CAMTA1: variants seen among roughly 807,000 people sequenced by gnomAD.
CAMTA1 encodes the protein calmodulin binding transcription activator 1, also known as calmodulin-binding transcription activator 1.
Under a neutral mutation model 170.9 loss-of-function variants are expected in CAMTA1, and 27 were observed. The ratio of observed to expected loss-of-function variants is 0.16; its 90% confidence interval spans 0.12 to 0.22. The LOEUF (loss-of-function observed/expected upper bound fraction) is 0.22. CAMTA1 is among the 10% of genes least tolerant of loss of function. The probability of loss-of-function intolerance (pLI) is 1.00; values close to 1 mark genes in which losing one functional copy is unlikely to be tolerated. For missense variants in CAMTA1, 1,619 were observed against 2,217.2 expected (o/e 0.73, Z 5.42); for synonymous variants, 833 against 891.5 (o/e 0.93, Z 1.17).
intron 5 of CAMTA1, among the ~76,000 whole-genome samples, chr1:7,304,244 A>AT (rs572432047): frequency 1.5e-4 from 23 of 152,298 alleles, no homozygotes; most frequent in African/African-American, 4.3e-4. Context: ...TTCTACCACT[A>AT]TTTTTTAAAA....
chr1:7,542,784 C>T (rs2094629392), intron 6 of CAMTA1, among the ~76,000 whole-genome samples: 1 of 151,692 alleles, frequency 6.6e-6, no homozygotes, highest in African/African-American at 2.4e-5. Context: ...CCCGCCTTGA[C>T]CCCTCAAAGT....
At chr1:7,236,886 T>A (rs1046303311) in intron 4 of CAMTA1, among the ~76,000 whole-genome samples, 4 of 152,234 alleles carry the variant, frequency 2.6e-5, no homozygotes, top group Non-Finnish European at 4.4e-5. Context: ...AAGGGTGACA[T>A]TCCTCATTTT....
At chr1:7,324,277 T>C (rs1678933100) in intron 5 of CAMTA1, among the ~76,000 whole-genome samples, 1 of 152,192 alleles carries the variant, frequency 6.6e-6, no homozygotes, top group African/African-American at 2.4e-5. Flanking sequence ...TGAAATCTAT[T>C]TTATCTGCTT....
At chr1:7,584,329 C>T (rs978658717) in intron 6 of CAMTA1, among the ~76,000 whole-genome samples, 1 of 151,910 alleles carries the variant, frequency 6.6e-6, no homozygotes, top group Non-Finnish European at 1.5e-5. Flanking sequence ...GAGAGGATGG[C>T]CAAGGGTCGG....
At chr1:7,166,045 C>T (rs576711977) in intron 4 of CAMTA1, among the ~76,000 whole-genome samples, 8 of 149,682 alleles carry the variant, frequency 5.3e-5, no homozygotes, top group South Asian at 2.1e-4. Flanking sequence ...TCTCTCTAAG[C>T]GGGGGGGTGT....
intron 3 of CAMTA1, among the ~76,000 whole-genome samples, chr1:6,839,803 A>G (rs12023462): frequency 0.08 from 12,141 of 152,184 alleles, 727 homozygotes; most frequent in East Asian, 0.26. Context: ...CTTTGAGGAA[A>G]TGTGAAAAAA....
At chr1:7,612,966 C>T (rs1354897340) in intron 6 of CAMTA1, among the ~76,000 whole-genome samples, 1 of 152,236 alleles carries the variant, frequency 6.6e-6, no homozygotes, top group Non-Finnish European at 1.5e-5. Context: ...TTGGTCCTCG[C>T]CACCAGAAGG....
At chr1:7,017,394 A>G (rs1184499820) in intron 3 of CAMTA1, among the ~76,000 whole-genome samples, 1 of 152,260 alleles carries the variant, frequency 6.6e-6, no homozygotes, top group Non-Finnish European at 1.5e-5. Flanking sequence ...ACATACTCAT[A>G]CAGACATAAA....
At chr1:7,040,743 A>ATT (rs1254424186) in intron 3 of CAMTA1, among the ~76,000 whole-genome samples, 1 of 150,622 alleles carries the variant, frequency 6.6e-6, no homozygotes, top group African/African-American at 2.4e-5. Flanking sequence ...TTTTTTTTAA[A>ATT]GACAGAGTCT....
intron 3 of CAMTA1, among the ~76,000 whole-genome samples, chr1:7,043,979 G>A (rs1572649485): frequency 6.6e-6 from 1 of 152,336 alleles, no homozygotes; most frequent in Middle Eastern, 3.4e-3. Flanking sequence ...TCCTCACTGG[G>A]AACATTTGGA....
intron 6 of CAMTA1, among the ~76,000 whole-genome samples, chr1:7,506,610 ACT>A (rs780669957): frequency 9.2e-5 from 14 of 151,862 alleles, no homozygotes; most frequent in East Asian, 7.8e-4. Context: ...CAAAAGTCAC[ACT>A]CTCATACTAA....
In CAMTA1 at chr1:7,173,386, C is replaced by A. The variant is rs1048825797; in HGVS notation, c.303-76105C>A. Among the ~76,000 whole-genome samples the A allele has an allele frequency of 2.0e-5, 3 of 152,078 alleles. No individual in the cohort carries two copies. Among genetic ancestry groups the A allele is most frequent in the African/African-American group, 7.2e-5 (3 of 41,398 alleles). Reference sequence around the variant, plus strand: ...ATTTTTGTGGAACTGTGGGAACACACAGTTTAATTTTTTTTTTTAAGACTG... The same window carrying A: ...ATTTTTGTGGAACTGTGGGAACACAAAGTTTAATTTTTTTTTTTAAGACTG... On this transcript the variant is annotated intron_variant, in intron 4 of 22. Coordinates refer to ENST00000303635, the MANE Select transcript of CAMTA1 (RefSeq NM_015215.4). This position sits in a 1 kb window ranked among gnomAD's most constrained non-coding sequence, Gnocchi z 5.4.
At chr1:7,699,805 T>G (rs1047001874) in intron 11 of CAMTA1, among the ~76,000 whole-genome samples, 1 of 152,242 alleles carries the variant, frequency 6.6e-6, no homozygotes, top group Admixed American at 6.5e-5. Flanking sequence ...TTATTGATTA[T>G]TGCCCTTATT....
At chr1:6,831,055 T>C (rs944610501) in intron 3 of CAMTA1, among the ~76,000 whole-genome samples, 5 of 151,834 alleles carry the variant, frequency 3.3e-5, no homozygotes, top group Non-Finnish European at 7.4e-5. Context: ...CCTGACCTCA[T>C]GATCCGCCCG....
At chr1:7,691,942 T>G (rs1035603362) in intron 11 of CAMTA1, among the ~76,000 whole-genome samples, 2 of 143,348 alleles carry the variant, frequency 1.4e-5, no homozygotes, top group African/African-American at 5.2e-5. Flanking sequence ...GAAGGTTTCT[T>G]CAAGGGAGGG....
At chr1:7,103,137 G>A (rs2148268627) in intron 4 of CAMTA1, among the ~76,000 whole-genome samples, 1 of 151,762 alleles carries the variant, frequency 6.6e-6, no homozygotes, top group Non-Finnish European at 1.5e-5. Flanking sequence ...TCCCAGCGGG[G>A]TGGGGGGTAC....
intron 6 of CAMTA1, among the ~76,000 whole-genome samples, chr1:7,474,734 A>C (rs1231861570): frequency 1.3e-5 from 2 of 152,244 alleles, no homozygotes; most frequent in Non-Finnish European, 2.9e-5. Context: ...CAGAGAAGGG[A>C]GCAGAGGCTA....
intron 4 of CAMTA1, among the ~76,000 whole-genome samples, chr1:7,124,090 G>T (rs1644797292): frequency 6.6e-6 from 1 of 152,154 alleles, no homozygotes; most frequent in African/African-American, 2.4e-5. Flanking sequence ...CAGGTAGCCT[G>T]CTGGGTGCCT....
Position 7,463,582 on chromosome 1 carries a change from AAGAT to A in CAMTA1, c.439-4244_439-4241del, listed in dbSNP as rs2093143004. ...GATGAGACAGATACAGAGATAGAGA[AAGAT>A]AGAGACGGAAGAAGAGAGACCAAGG... On this transcript the variant is annotated intron_variant, in intron 5 of 22. Transcript: ENST00000303635. This position sits in a 1 kb window ranked among gnomAD's most constrained non-coding sequence, Gnocchi z 4.7. Among the ~76,000 whole-genome samples, 2 of 152,100 alleles carry A rather than the reference AAGAT, an allele frequency of 1.3e-5. No individual in the cohort carries two copies. Among genetic ancestry groups the A allele is most frequent in the Non-Finnish European group, 2.9e-5 (2 of 68,018 alleles).
Sources: gnomAD v4.1 joint callset for allele counts (sites outside exome capture counted in the v4.1 genomes callset) on GRCh38, gnomAD v4.1.1 for gene constraint, Gnocchi (gnomAD v3.1) non-coding constraint, MANE v1.5 for transcripts, NCBI Gene and HGNC (gene_info 2026-07-23, HGNC 2026-07-21) for gene names.